LARP4B: variants seen among roughly 807,000 people sequenced by gnomAD.
LARP4B encodes the protein la-related protein 4B.
In LARP4B, 12 loss-of-function variants were observed where a neutral mutation model predicts 89.8. The observed-to-expected ratio is 0.13, with a 90% CI of 0.09 to 0.22. LARP4B has a LOEUF of 0.22. Among genes scored for constraint, LARP4B ranks in the 10% least tolerant of loss-of-function variants. The pLI, the probability that LARP4B is intolerant of heterozygous loss-of-function variation, is 1.00. For synonymous variants in LARP4B, 367 were observed against 363.3 expected, an observed-to-expected ratio of 1.01 and a Z score of -0.12; for missense variants, 757 against 947.7, an observed-to-expected ratio of 0.80 and a Z score of 2.64.
the LARP4B span, among the ~76,000 whole-genome samples, chr10:974,407 G>A: frequency 1.8e-4 from 27 of 152,284 alleles, no homozygotes; most frequent in East Asian, 4.1e-3. Context: ...GAGCCTTACC[G>A]TGGCAAATGC....
At chr10:809,137 T>C (rs943992575), downstream of LARP4B, 2 of 152,222 alleles carry the variant, frequency 1.3e-5, no homozygotes, top group African/African-American at 4.8e-5. Flanking sequence ...CGCCAGCCTC[T>C]TCCTAGTGCA....
At chr10:972,429 A>C in the LARP4B span, 1 of 435,832 alleles carries the variant, frequency 2.3e-6, no homozygotes, top group African/African-American at 2.0e-5. Flanking sequence ...GAGCCAAAAA[A>C]ACTTCTATTC....
the LARP4B span, among the ~76,000 whole-genome samples, chr10:969,997 T>C: frequency 6.6e-6 from 1 of 151,956 alleles, no homozygotes; most frequent in African/African-American, 2.4e-5. Flanking sequence ...CTGCAGGAGG[T>C]CCCTGGGTGC....
chr10:916,730 C>T (rs1423812686), intron 1 of LARP4B, among the ~76,000 whole-genome samples: 2 of 152,160 alleles, frequency 1.3e-5, no homozygotes, highest in Admixed American at 1.3e-4. Context: ...CAAGGTCTTG[C>T]TCTGTTGTGC....
In LARP4B at chr10:810,503, G is replaced by C. The variant is rs1831705185; in HGVS notation, c.*2423C>G. 1 of 152,220 alleles carries C rather than the reference G, an allele frequency of 6.6e-6. No homozygotes were observed. Among genetic ancestry groups the C allele is most frequent in the Non-Finnish European group, 1.5e-5 (1 of 68,068 alleles). The allele number at this position is 152,220 out of a possible 1,614,324, so 9.4% of individuals were successfully genotyped here. ...CTAATGCACGCGCTGCCCTCCTCATGCAGCTGTTGAGCTCCCACTTCGGTC... is the reference window on the plus strand; with the variant it reads ...CTAATGCACGCGCTGCCCTCCTCATCCAGCTGTTGAGCTCCCACTTCGGTC... On this transcript the variant is annotated 3_prime_UTR_variant, in exon 18 of 18. Transcript: ENST00000316157.
chr10:809,335 G>A (rs926003152), downstream of LARP4B: 4 of 152,260 alleles, frequency 2.6e-5, no homozygotes, highest in South Asian at 4.1e-4. Context: ...AGCATCTGAT[G>A]TTAATGCTCA....
Position 865,499 on chromosome 10 carries a change from G to A in LARP4B, c.142-1229C>T, listed in dbSNP as rs372443648. On this transcript the variant is annotated intron_variant, in intron 3 of 17. Transcript: ENST00000316157. ...TGCTCCCTGGCCTTGTCCATTTCCA[G>A]GCACACTGACCTCCTTGCTGTCTCT... is the stretch of plus-strand genomic sequence containing the variant. 1.4e-3 allele frequency among the ~76,000 whole-genome samples: 220 copies of A among 152,216 alleles called. 11 individuals carry two copies. The South Asian group carries it at 0.045, about 31-fold the overall frequency.
At chr10:984,510 T>G in the LARP4B span, among the ~76,000 whole-genome samples, 1 of 152,184 alleles carries the variant, frequency 6.6e-6, no homozygotes, top group Non-Finnish European at 1.5e-5. Context: ...ACACCCCTTA[T>G]CAGCAGCTCT....
chr10:821,848 CT>C (rs1289762963), intron 13 of LARP4B, among the ~76,000 whole-genome samples: 3 of 152,236 alleles, frequency 2.0e-5, no homozygotes, highest in African/African-American at 7.2e-5. Context: ...CTGGAAATAG[CT>C]CCTGGCTTTC....
rs567334468 is a variant in LARP4B, at chr10:885,421, T to C, written c.81+220A>G. The stretch of plus-strand genomic sequence containing the variant: ...CATACAACTTATTACTAAATAAATG[T>C]GTATGCTTTTCTCTTGTTCATCTGT... On this transcript the variant is annotated intron_variant, in intron 2 of 17. Coordinates refer to ENST00000316157, the MANE Select transcript of LARP4B (RefSeq NM_015155.3). Among the ~76,000 whole-genome samples, 3 of 152,316 alleles carry C rather than the reference T, an allele frequency of 2.0e-5. No individual in the cohort carries two copies. The East Asian group carries it at 5.8e-4, about 29-fold the overall frequency.
At chr10:817,677 G>A (rs373504772) in intron 15 of LARP4B, 48 bp downstream of exon 15, 74 of 1,566,186 alleles carry the variant, frequency 4.7e-5, no homozygotes, top group Middle Eastern at 1.7e-4. Context: ...CACGGAACCC[G>A]TACCTAGACA....
At chr10:908,431 G>A (rs181494118) in intron 1 of LARP4B, among the ~76,000 whole-genome samples, 1 of 152,336 alleles carries the variant, frequency 6.6e-6, no homozygotes, top group East Asian at 1.9e-4. Flanking sequence ...GCAAAGTAAT[G>A]GAACCCAAAG....
intron 14 of LARP4B, chr10:819,908 G>A (rs1832256103): frequency 6.6e-6 from 1 of 152,246 alleles, no homozygotes; most frequent in Non-Finnish European, 1.5e-5. Flanking sequence ...AGCATTCCTT[G>A]TATGGAATTC....
the LARP4B span, among the ~76,000 whole-genome samples, chr10:980,262 C>T: frequency 1.3e-5 from 2 of 152,252 alleles, no homozygotes; most frequent in Middle Eastern, 6.8e-3. Context: ...TGTGGCTTTT[C>T]CAGGTGTAGG....
At chr10:854,160 T>A (rs1834187121) in intron 5 of LARP4B, among the ~76,000 whole-genome samples, 1 of 152,234 alleles carries the variant, frequency 6.6e-6, no homozygotes, top group Non-Finnish European at 1.5e-5. Flanking sequence ...CAGTCATATT[T>A]TCAGGCTGTA....
At chr10:906,114 T>C (rs1216307852) in intron 1 of LARP4B, among the ~76,000 whole-genome samples, 2 of 152,212 alleles carry the variant, frequency 1.3e-5, no homozygotes, top group Non-Finnish European at 2.9e-5. Context: ...CAATTAGATA[T>C]TATTTCTTTC....
intron 14 of LARP4B, chr10:819,605 G>A (rs1417748070): frequency 6.6e-6 from 1 of 152,298 alleles, no homozygotes; most frequent in Non-Finnish European, 1.5e-5. Flanking sequence ...AGGAATGCAA[G>A]GCAAAACAGA....
At chr10:869,165 G>T (rs1564419836) in intron 3 of LARP4B, among the ~76,000 whole-genome samples, 1 of 152,178 alleles carries the variant, frequency 6.6e-6, no homozygotes, top group Non-Finnish European at 1.5e-5. Context: ...ACAGAACCAA[G>T]ATTTCATAGG....
chr10:910,310 T>A (rs1381512773), intron 1 of LARP4B, among the ~76,000 whole-genome samples: 1 of 152,222 alleles, frequency 6.6e-6, no homozygotes, highest in South Asian at 2.1e-4. Context: ...ATCCTCAGGC[T>A]TGGCCCAAAT....
Sources: gnomAD v4.1 joint callset for allele counts (sites outside exome capture counted in the v4.1 genomes callset) on GRCh38, gnomAD v4.1.1 for gene constraint, MANE v1.5 for transcripts, NCBI Gene and HGNC (gene_info 2026-07-23, HGNC 2026-07-21) for gene names.